Variants in PRELID2 observed in about 807,000 individuals in gnomAD.
The protein encoded by PRELID2 is PRELI domain containing 2, also known as PRELI domain-containing protein 2.
In PRELID2, 25 loss-of-function variants were observed where a neutral mutation model predicts 28.4. That is an observed-to-expected ratio of 0.88 (90% CI 0.64 to 1.23). The LOEUF (loss-of-function observed/expected upper bound fraction) is 1.23. Ranked by LOEUF, PRELID2 falls within the 50% of genes most tolerant of loss-of-function variation. The pLI, the probability that PRELID2 is intolerant of heterozygous loss-of-function variation, is 0.00. For synonymous variants in PRELID2, 76 were observed against 71.6 expected (o/e 1.06, Z -0.31); for missense variants, 201 against 214.4 (o/e 0.94, Z 0.39).
chr5:145,533,300 GC>G (rs1252018451), intron 1 of PRELID2, among the ~76,000 whole-genome samples: 1 of 152,032 alleles, frequency 6.6e-6, no homozygotes, highest in African/African-American at 2.4e-5. Flanking sequence ...CAGTCCCGAT[GC>G]TAGCACCAAA....
At chr5:145,306,901 T>C in the PRELID2 span, among the ~76,000 whole-genome samples, 336 of 152,354 alleles carry the variant, frequency 2.2e-3, 2 homozygotes, top group African/African-American at 7.8e-3. Context: ...GTAGCTTGAT[T>C]CATCTCTTTA....
the PRELID2 span, among the ~76,000 whole-genome samples, chr5:145,328,722 G>C: frequency 1.3e-5 from 2 of 151,800 alleles, no homozygotes; most frequent in African/African-American, 4.8e-5. Context: ...CCATTCTGTA[G>C]GTTGCCTGTT....
At chr5:145,386,320 A>C in the PRELID2 span, among the ~76,000 whole-genome samples, 1 of 152,062 alleles carries the variant, frequency 6.6e-6, no homozygotes, top group Non-Finnish European at 1.5e-5. Context: ...CCCTCCCATG[A>C]CACAGGTGGA....
the PRELID2 span, among the ~76,000 whole-genome samples, chr5:145,331,640 C>CT: frequency 0.026 from 3,905 of 151,868 alleles, 82 homozygotes; most frequent in African/African-American, 0.065. Context: ...TTCCTCCATC[C>CT]TTTTTTTTGA....
chr5:145,511,148 A>G lies in PRELID2; in HGVS notation n.71-37833T>C, dbSNP rs111914875. Among the ~76,000 whole-genome samples, 4 of 152,348 alleles carry G rather than the reference A, an allele frequency of 2.6e-5. 1 individual carries two copies. The highest frequency in any genetic ancestry group is 9.6e-5 in the African/African-American group (4 of 41,592). On this transcript the variant is annotated intron_variant and non_coding_transcript_variant, in intron 1 of 2. Transcript: ENST00000510259. ...CCTGAAATCCAGTTCAGTGAAAGCT[A>G]TCACTAACCACAGTGCCTGTCTTCA...
At chr5:145,468,245 C>A (rs1197764484), downstream of PRELID2, among the ~76,000 whole-genome samples, 1 of 152,140 alleles carries the variant, frequency 6.6e-6, no homozygotes, top group Non-Finnish European at 1.5e-5. Flanking sequence ...AGGACATGAA[C>A]TCATCACTTT....
chr5:145,788,359 T>C (rs1386344761), intron 5 of PRELID2, among the ~76,000 whole-genome samples: 1 of 152,220 alleles, frequency 6.6e-6, no homozygotes, highest in Non-Finnish European at 1.5e-5. Flanking sequence ...ACTTCCAACA[T>C]ACTATCTTCT....
chr5:145,711,548 A>C (rs1393009237), intron 1 of PRELID2, among the ~76,000 whole-genome samples: 2 of 152,184 alleles, frequency 1.3e-5, no homozygotes, highest in African/African-American at 4.8e-5. Context: ...CCACCTGCCA[A>C]GTCTCTCCCA....
chr5:145,400,209 G>C, the PRELID2 span, among the ~76,000 whole-genome samples: 3 of 152,012 alleles, frequency 2.0e-5, no homozygotes, highest in South Asian at 6.2e-4. Context: ...TGTACAACTA[G>C]TCCTGATCTC....
intron 2 of PRELID2, chr5:145,472,268 C>G (rs1179643460): frequency 2.0e-5 from 3 of 152,200 alleles, no homozygotes; most frequent in Non-Finnish European, 2.9e-5. Context: ...GTGGCTAGAG[C>G]TTGTCCAGGA....
chr5:145,742,424 A>G (rs1181921807), intron 1 of PRELID2, among the ~76,000 whole-genome samples: 1 of 147,466 alleles, frequency 6.8e-6, no homozygotes, highest in African/African-American at 2.5e-5. Flanking sequence ...CAGTAGAATC[A>G]AACCAGAAAT....
the PRELID2 span, among the ~76,000 whole-genome samples, chr5:145,259,156 A>T: frequency 6.6e-6 from 1 of 152,210 alleles, no homozygotes; most frequent in Non-Finnish European, 1.5e-5. Flanking sequence ...ATGTATGAAA[A>T]ATACTGGGTG....
At chr5:145,779,937 A>T (rs1340916106) in intron 5 of PRELID2, among the ~76,000 whole-genome samples, 1 of 152,206 alleles carries the variant, frequency 6.6e-6, no homozygotes, top group African/African-American at 2.4e-5. Flanking sequence ...TTTACTTTTT[A>T]AGTAATGTTA....
chr5:145,558,449 A>C (rs1310055122), intron 1 of PRELID2, among the ~76,000 whole-genome samples: 1 of 152,250 alleles, frequency 6.6e-6, no homozygotes, highest in Non-Finnish European at 1.5e-5. Context: ...AAAATTCCAC[A>C]GTGAAGGCTG....
intron 1 of PRELID2, among the ~76,000 whole-genome samples, chr5:145,617,585 T>G (rs895895880): frequency 6.6e-6 from 1 of 152,208 alleles, no homozygotes; most frequent in African/African-American, 2.4e-5. Flanking sequence ...TTTGTTGGAT[T>G]GAGTTAATTC....
At chr5:145,611,036 A>G (rs58878643) in intron 1 of PRELID2, among the ~76,000 whole-genome samples, 1 of 149,568 alleles carries the variant, frequency 6.7e-6, no homozygotes, top group East Asian at 1.9e-4. Flanking sequence ...AATATGAAAT[A>G]TAGAGAGAGA....
the PRELID2 span, among the ~76,000 whole-genome samples, chr5:145,345,254 TA>T: frequency 6.6e-6 from 1 of 152,138 alleles, no homozygotes; most frequent in South Asian, 2.1e-4. Flanking sequence ...CCTGGAGACA[TA>T]AAGGGGAATA....
At chr5:145,605,707 C>G (rs1251858780) in intron 1 of PRELID2, among the ~76,000 whole-genome samples, 1 of 151,206 alleles carries the variant, frequency 6.6e-6, no homozygotes, top group Non-Finnish European at 1.5e-5. Context: ...TAATTAGTTG[C>G]CATACTAGAA....
chr5:145,387,509 CT>C, the PRELID2 span, among the ~76,000 whole-genome samples: 1 of 152,130 alleles, frequency 6.6e-6, no homozygotes, highest in African/African-American at 2.4e-5. Context: ...ATTCTGTTTC[CT>C]TATAAAGAAT....
Sources: allele counts gnomAD v4.1 joint callset (sites outside exome capture counted in the v4.1 genomes callset), GRCh38; gene constraint gnomAD v4.1.1; transcripts MANE v1.5; gene names NCBI Gene and HGNC (gene_info 2026-07-23, HGNC 2026-07-21).